GNL3L: variants seen among roughly 807,000 people sequenced by gnomAD.
GNL3L encodes the protein guanine nucleotide-binding protein-like 3-like protein.
Under a neutral mutation model 42.9 loss-of-function variants are expected in GNL3L, and 4 were observed. That is an observed-to-expected ratio of 0.09 (90% confidence interval 0.05 to 0.21). The LOEUF (loss-of-function observed/expected upper bound fraction) is 0.21, where lower values mean the gene tolerates loss of function less well. Among genes scored for constraint, GNL3L ranks in the 10% least tolerant of loss-of-function variants. GNL3L has a pLI of 1.00. For synonymous variants in GNL3L, 159 were observed against 176.3 expected, an observed-to-expected ratio of 0.90 and a Z score of 0.78; for missense variants, 412 against 481.7, an observed-to-expected ratio of 0.86 and a Z score of 1.36.
chrX:54,545,436 C>G (rs917833766), intron 8 of GNL3L, among the ~76,000 whole-genome samples: 2 of 110,483 alleles, frequency 1.8e-5, no homozygotes, highest in Non-Finnish European at 3.8e-5. Context: ...GAACTCCTGA[C>G]CTCAGGTGAT....
At chrX:54,594,456 A>G (rs751244897) in intron 16 of GNL3L, among the ~76,000 whole-genome samples, 13 of 109,851 alleles carry the variant, frequency 1.2e-4, no homozygotes, top group Non-Finnish European at 1.9e-5. Context: ...GTTGAGATGG[A>G]ATATCTTTTC....
Position 54,543,487 on chromosome X carries a change from C to G in GNL3L, c.526+145C>G, listed in dbSNP as rs1048870777. 2.2e-5 allele frequency: 13 copies of G among 583,126 alleles called. No individual in the cohort carries two copies. The African/African-American group carries it at 2.7e-4, about 12-fold the overall frequency. 48.1% of individuals were successfully genotyped at this position (583,126 alleles called of 1,213,427 possible). A position where few individuals can be genotyped will look rare whatever the true frequency, so the allele number is the denominator to read the frequency against. ...GAAATTTTTGTTCCGATTTTCAAAG[C>G]CTGTATCACAGAGTATGGTACAAGT... On this transcript the variant is annotated intron_variant, in intron 7 of 15. Transcript: ENST00000360845.
At chrX:54,543,132 T>C in intron 6 of GNL3L, 75 bp from the exon 7 acceptor site, 5 of 1,136,530 alleles carry the variant, frequency 4.4e-6, no homozygotes, top group Non-Finnish European at 4.8e-6. Context: ...GAGATGGAGA[T>C]TTTTGTTTCA....
chrX:54,635,107 C>T, the GNL3L span, among the ~76,000 whole-genome samples: 1 of 110,835 alleles, frequency 9.0e-6, no homozygotes, highest in East Asian at 2.8e-4. Flanking sequence ...TTTCTTTTCT[C>T]CTCAGACTTG....
chrX:54,543,712 T>A (rs187934506), intron 7 of GNL3L, among the ~76,000 whole-genome samples: 4 of 111,727 alleles, frequency 3.6e-5, no homozygotes, highest in Non-Finnish European at 7.5e-5. Flanking sequence ...AGACACTGGA[T>A]AAGTCATGCC....
intron 16 of GNL3L, among the ~76,000 whole-genome samples, chrX:54,572,908 GGGC>G (rs1925576293): frequency 9.2e-6 from 1 of 108,308 alleles, no homozygotes; most frequent in Admixed American, 9.6e-5. Flanking sequence ...ATCCCAGACA[GGGC>G]GGCGGGGCAG....
intron 16 of GNL3L, among the ~76,000 whole-genome samples, chrX:54,588,465 A>T (rs916393143): frequency 4.3e-4 from 48 of 112,380 alleles, no homozygotes; most frequent in African/African-American, 1.6e-3. Context: ...GCATCACTTG[A>T]TATGATTATA....
At chrX:54,539,927 T>C (rs746019793) in intron 3 of GNL3L, among the ~76,000 whole-genome samples, 9 of 111,693 alleles carry the variant, frequency 8.1e-5, no homozygotes, top group Admixed American at 2.9e-4. Context: ...TTCTCTCCTT[T>C]CTTTGTCCCC....
intron 16 of GNL3L, among the ~76,000 whole-genome samples, chrX:54,615,829 C>T (rs997392251): frequency 1.8e-5 from 2 of 110,690 alleles, no homozygotes; most frequent in African/African-American, 6.6e-5. Context: ...CTCAGCCTCC[C>T]GAGTAGCTGG....
chrX:54,580,244 C>G (rs372406039), intron 16 of GNL3L, among the ~76,000 whole-genome samples: 17 of 98,194 alleles, frequency 1.7e-4, no homozygotes, highest in African/African-American at 5.3e-4. Flanking sequence ...TGAGAACATG[C>G]GGTGTTTGGT....
rs748605963 is a variant in GNL3L, at chrX:54,558,475, C to T, written c.1486C>T (p.His496Tyr). Residue 496 changes from histidine to tyrosine, a missense_variant, in exon 15 of 16, where the codon CAT becomes TAT. Transcript: ENST00000360845. ...LTGYCTNPNR[H>Y]QMGWAKRNVD... ...TGGGTATTGCACCAATCCGAACCGTCATCAGATGGGGTGGGCTAAACGCAA... is the reference window on the plus strand; with the variant it reads ...TGGGTATTGCACCAATCCGAACCGTTATCAGATGGGGTGGGCTAAACGCAA... 1.7e-6 allele frequency: 2 copies of T among 1,208,054 alleles called. No individual in the cohort carries two copies. Among genetic ancestry groups the T allele is most frequent in the Admixed American group, 2.2e-5 (1 of 45,988 alleles).
downstream of GNL3L, among the ~76,000 whole-genome samples, chrX:54,625,883 C>G (rs749351282): frequency 1.5e-4 from 15 of 101,139 alleles, no homozygotes; most frequent in Non-Finnish European, 2.7e-4. Context: ...ATATATGTTT[C>G]AACACATTTT....
intron 16 of GNL3L, among the ~76,000 whole-genome samples, chrX:54,596,813 G>T (rs1451707217): frequency 9.0e-6 from 1 of 111,715 alleles, no homozygotes; most frequent in Non-Finnish European, 1.9e-5. Flanking sequence ...TGCAGAGTAG[G>T]CTTATCCCAT....
chrX:54,584,926 C>T (rs1474594242), intron 16 of GNL3L, among the ~76,000 whole-genome samples: 1 of 112,072 alleles, frequency 8.9e-6, no homozygotes, highest in Non-Finnish European at 1.9e-5. Context: ...GCTGGGACTA[C>T]AGGCGTGTGC....
intron 16 of GNL3L, among the ~76,000 whole-genome samples, chrX:54,587,784 G>T (rs1569542455): frequency 9.1e-6 from 1 of 109,642 alleles, no homozygotes; most frequent in Non-Finnish European, 1.9e-5. Flanking sequence ...GGGTTCAAGC[G>T]ATTCTCCTGC....
intron 15 of GNL3L, among the ~76,000 whole-genome samples, chrX:54,559,664 C>T (rs1925204081): frequency 8.9e-6 from 1 of 111,749 alleles, no homozygotes; most frequent in Non-Finnish European, 1.9e-5. Flanking sequence ...TAACTCATTG[C>T]AAAAGTCTTC....
Position 54,552,321 on chromosome X carries a change from C to T in GNL3L, c.1211C>T (p.Pro404Leu), listed in dbSNP as rs1225592378. 8.3e-7 allele frequency: 1 copy of T among 1,204,934 alleles called. No homozygotes were observed. The highest frequency in any genetic ancestry group is 1.8e-5 in the African/African-American group (1 of 57,065). ...AAGATCAGCTTCTATATACCACCAC[C>T]AGCCACTCACACTCTGCCCACCCAT... ...SGKISFYIPPPATHTLPTHLS... is the reference protein window; with the variant it reads ...SGKISFYIPPLATHTLPTHLS... The change falls in exon 13 of 16, where the codon CCA becomes CTA. Residue 404 changes from proline (P) to leucine (L), a missense_variant. By Grantham distance (98) the Pro-to-Leu change is moderately conservative. Coordinates refer to ENST00000360845, the MANE Select transcript of GNL3L (RefSeq NM_001184819.2).
intron 15 of GNL3L, among the ~76,000 whole-genome samples, chrX:54,559,856 G>A (rs1242012247): frequency 8.9e-6 from 1 of 111,883 alleles, no homozygotes. Context: ...TTCACTCTTG[G>A]CCTGGCTCCA....
At chrX:54,592,380 T>C (rs1285589242) in intron 16 of GNL3L, among the ~76,000 whole-genome samples, 3 of 112,402 alleles carry the variant, frequency 2.7e-5, no homozygotes, top group Non-Finnish European at 5.6e-5. Flanking sequence ...GTATGCTTGC[T>C]GTGTTCCAGA....
Sources: allele counts gnomAD v4.1 joint callset (sites outside exome capture counted in the v4.1 genomes callset), GRCh38; gene constraint gnomAD v4.1.1; transcripts MANE v1.5; gene names NCBI Gene and HGNC (gene_info 2026-07-23, HGNC 2026-07-21).